Variants in EFNA5 observed in about 807,000 individuals in gnomAD.
EFNA5 encodes the protein ephrin A5, also known as ephrin-A5.
A neutral mutation model predicts 22.9 loss-of-function variants in EFNA5; 5 were observed. That is an observed-to-expected ratio of 0.22 (90% CI 0.11 to 0.46). The LOEUF (loss-of-function observed/expected upper bound fraction) is 0.46. EFNA5 is among the 20% of genes least tolerant of loss of function. The pLI is 0.99. For missense variants in EFNA5, 237 were observed against 293.3 expected (o/e 0.81, Z 1.40); for synonymous variants, 113 against 112.2 (o/e 1.01, Z -0.04).
chr5:107,630,329 G>GT, intron 1 of EFNA5, among the ~76,000 whole-genome samples: 1 of 152,310 alleles, frequency 6.6e-6, no homozygotes, highest in Middle Eastern at 3.4e-3. Flanking sequence ...GACCTAGATT[G>GT]TATAGCCTAC....
chr5:107,527,537 A>G (rs1747721097), intron 1 of EFNA5, among the ~76,000 whole-genome samples: 1 of 152,128 alleles, frequency 6.6e-6, no homozygotes, highest in African/African-American at 2.4e-5. Flanking sequence ...CACCCGCCTC[A>G]GCCTCCCGAA....
intron 1 of EFNA5, among the ~76,000 whole-genome samples, chr5:107,511,601 T>G (rs1350359560): frequency 6.6e-6 from 1 of 152,226 alleles, no homozygotes; most frequent in Non-Finnish European, 1.5e-5. Flanking sequence ...TATCCATTTA[T>G]AAAGTGTTAC....
rs188152942 is a variant in EFNA5 at position 107,479,185 on chromosome 5, T to G, written c.126-51676A>C. Among the ~76,000 whole-genome samples the G allele has an allele frequency of 3.3e-5, 5 of 152,358 alleles. No individual in the cohort carries two copies. The East Asian group carries it at 9.6e-4, about 29-fold the overall frequency. On this transcript the variant is annotated intron_variant, in intron 1 of 4. Transcript: ENST00000333274. ...GTTCATTTCTTATGATGGGTATTCG[T>G]GTTTAAACAAGTTGGCAATTTTCAA...
intron 1 of EFNA5, among the ~76,000 whole-genome samples, chr5:107,436,285 G>T (rs1197956104): frequency 6.6e-6 from 1 of 152,160 alleles, no homozygotes; most frequent in African/African-American, 2.4e-5. Flanking sequence ...CATTAAATTG[G>T]CAGAGCCTAA....
At chr5:107,622,583 A>G (rs982270255) in intron 1 of EFNA5, among the ~76,000 whole-genome samples, 1 of 152,190 alleles carries the variant, frequency 6.6e-6, no homozygotes, top group Non-Finnish European at 1.5e-5. Flanking sequence ...TTATGCTACT[A>G]TGCTCAACTC....
chr5:107,477,627 T>C (rs1486867557), intron 1 of EFNA5, among the ~76,000 whole-genome samples: 1 of 152,188 alleles, frequency 6.6e-6, no homozygotes, highest in Non-Finnish European at 1.5e-5. Context: ...TTCTTTTGGG[T>C]AACCTGATAG....
At chr5:107,605,168 G>A (rs554561436) in intron 1 of EFNA5, among the ~76,000 whole-genome samples, 4 of 152,084 alleles carry the variant, frequency 2.6e-5, no homozygotes, top group East Asian at 3.9e-4. Context: ...GGGAAGCAGA[G>A]CTAACTAGAG....
At chr5:107,552,430 A>G (rs1404156857) in intron 1 of EFNA5, among the ~76,000 whole-genome samples, 1 of 152,196 alleles carries the variant, frequency 6.6e-6, no homozygotes, top group Non-Finnish European at 1.5e-5. Flanking sequence ...CTCATTTAAT[A>G]GGTGAGGAAA....
intron 1 of EFNA5, among the ~76,000 whole-genome samples, chr5:107,601,573 G>C (rs1044524563): frequency 6.6e-6 from 1 of 152,140 alleles, no homozygotes; most frequent in Non-Finnish European, 1.5e-5. Flanking sequence ...GGTAGATAAG[G>C]TAATGACCAT....
At chr5:107,537,712 G>A (rs572067753) in intron 1 of EFNA5, among the ~76,000 whole-genome samples, 1 of 152,302 alleles carries the variant, frequency 6.6e-6, no homozygotes, top group African/African-American at 2.4e-5. Context: ...CAAAAAGGTA[G>A]AGTGCTTTTT....
intron 1 of EFNA5, among the ~76,000 whole-genome samples, chr5:107,618,353 T>C (rs573732710): frequency 7.2e-5 from 11 of 152,340 alleles, no homozygotes; most frequent in Middle Eastern, 3.4e-3. Flanking sequence ...GACATTCTCA[T>C]GCACTGGGTT....
chr5:107,476,058 T>TATATA lies in EFNA5; in HGVS notation c.126-48550_126-48549insTATAT. ...GAGAGTTTTTAAACTATATATATAT[T>TATATA]TTTTTTTTTTGAGACAGAGTCTTGC... On this transcript the variant is annotated intron_variant, in intron 1 of 4. Transcript: ENST00000333274. Among the ~76,000 whole-genome samples the TATATA allele has an allele frequency of 7.3e-5, 3 of 41,078 alleles. 1 individual carries two copies. The highest frequency in any genetic ancestry group is 6.2e-4 in the Admixed American group (3 of 4,822). 26.9% of individuals were successfully genotyped at this position (41,078 alleles called of 152,430 possible).
intron 1 of EFNA5, among the ~76,000 whole-genome samples, chr5:107,614,019 G>A (rs926937537): frequency 6.6e-6 from 1 of 152,136 alleles, no homozygotes; most frequent in African/African-American, 2.4e-5. Context: ...TTGATCCTCA[G>A]AGAACTCAGT....
intron 1 of EFNA5, among the ~76,000 whole-genome samples, chr5:107,577,276 C>T (rs1748946640): frequency 6.6e-6 from 1 of 151,824 alleles, no homozygotes; most frequent in African/African-American, 2.4e-5. Flanking sequence ...GGGAACGTAG[C>T]CTGGGAAAAG....
At chr5:107,613,643 T>C (rs1298876252) in intron 1 of EFNA5, among the ~76,000 whole-genome samples, 3 of 152,114 alleles carry the variant, frequency 2.0e-5, no homozygotes, top group Non-Finnish European at 2.9e-5. Context: ...AAGAGTTACA[T>C]TGCTAAGTTA....
intron 1 of EFNA5, among the ~76,000 whole-genome samples, chr5:107,482,567 T>C (rs1750497490): frequency 6.6e-6 from 1 of 152,146 alleles, no homozygotes. Context: ...GGATTGGACC[T>C]AGCTGCACTG....
At chr5:107,424,172 C>T (rs1748743275) in intron 2 of EFNA5, among the ~76,000 whole-genome samples, 1 of 147,700 alleles carries the variant, frequency 6.8e-6, no homozygotes, top group Non-Finnish European at 1.5e-5. Flanking sequence ...GGCCAAAAAG[C>T]TATAGCTTTC....
chr5:107,603,178 ACT>A (rs777952288), intron 1 of EFNA5, among the ~76,000 whole-genome samples: 10 of 152,080 alleles, frequency 6.6e-5, no homozygotes, highest in Non-Finnish European at 1.0e-4. Context: ...TTTAAGCCGA[ACT>A]CCTCCTTCCT....
rs535507559 is a variant in EFNA5 at position 107,405,032 on chromosome 5, G to A, written c.419-17261C>T. Among the ~76,000 whole-genome samples the A allele has an allele frequency of 3.9e-5, 6 of 152,258 alleles. No individual in the cohort carries two copies. In the East Asian group the frequency reaches 7.7e-4, roughly 20 times the overall value. Reference sequence around the variant, plus strand: ...TCAAGCTACAGTAGGACTTTATGATGTGCTCCTAAGTACCCACATGCACTA... The same window carrying A: ...TCAAGCTACAGTAGGACTTTATGATATGCTCCTAAGTACCCACATGCACTA... On this transcript the variant is annotated intron_variant, in intron 2 of 4. Coordinates refer to ENST00000333274, the MANE Select transcript of EFNA5 (RefSeq NM_001962.3).
Sources: gnomAD v4.1 joint callset for allele counts (sites outside exome capture counted in the v4.1 genomes callset) on GRCh38, gnomAD v4.1.1 for gene constraint, MANE v1.5 for transcripts, NCBI Gene and HGNC (gene_info 2026-07-23, HGNC 2026-07-21) for gene names.